The following TRIO variants were observed in gnomAD, a reference collection of about 807,000 sequenced individuals.
TRIO encodes the protein trio Rho guanine nucleotide exchange factor.
A neutral mutation model predicts 351.9 loss-of-function variants in TRIO; 58 were observed. The observed-to-expected ratio is 0.16, with a 90% CI of 0.13 to 0.21. The LOEUF (loss-of-function observed/expected upper bound fraction) is 0.21, where lower values mean the gene tolerates loss of function less well. Among genes scored for constraint, TRIO ranks in the 10% least tolerant of loss-of-function variants. The pLI, the probability that TRIO is intolerant of heterozygous loss-of-function variation, is 1.00. For missense variants in TRIO, 3,201 were observed against 4,027.8 expected (o/e 0.79, Z 5.56); for synonymous variants, 1,758 against 1,595.7 (o/e 1.10, Z -2.42).
At position 14,305,925 on chromosome 5, in the gene TRIO, C is replaced by T. The variant is rs147395003; in HGVS notation, c.1500+1333C>T. Among the ~76,000 whole-genome samples the T allele has an allele frequency of 4.8e-3, 738 of 152,308 alleles. 8 individuals carry two copies. Among genetic ancestry groups the T allele is most frequent in the African/African-American group, 0.017 (715 of 41,558 alleles). The stretch of plus-strand genomic sequence containing the variant: ...AATACTTAGCATTGTGGTACAGTTG[C>T]CTACAGTATTCAGTATAGTAACATG... On this transcript the variant is annotated intron_variant, in intron 8 of 56. Coordinates refer to ENST00000344204, the MANE Select transcript of TRIO (RefSeq NM_007118.4).
intron 13 of TRIO, among the ~76,000 whole-genome samples, chr5:14,360,616 C>T (rs1302439022): frequency 2.0e-5 from 3 of 152,232 alleles, no homozygotes; most frequent in Non-Finnish European, 2.9e-5. Flanking sequence ...TGTGCGTAGC[C>T]TGCCCTCAGT....
chr5:14,202,456 T>C (rs187435571), intron 1 of TRIO, among the ~76,000 whole-genome samples: 1 of 151,874 alleles, frequency 6.6e-6, no homozygotes, highest in East Asian at 1.9e-4. Flanking sequence ...CAAGTTGAAG[T>C]GATTTTGAAT....
chr5:14,463,131 C>T (rs958433745), intron 36 of TRIO, among the ~76,000 whole-genome samples: 2 of 152,190 alleles, frequency 1.3e-5, no homozygotes, highest in Non-Finnish European at 2.9e-5. Context: ...AGTAGGCCAG[C>T]GGGTGCAGTT....
chr5:14,222,448 C>T (rs1199675793), intron 1 of TRIO, among the ~76,000 whole-genome samples: 1 of 152,156 alleles, frequency 6.6e-6, no homozygotes, highest in African/African-American at 2.4e-5. Context: ...CCTTTCATCG[C>T]AACCTCATTT....
intron 1 of TRIO, among the ~76,000 whole-genome samples, chr5:14,266,680 A>G (rs1174656210): frequency 6.6e-6 from 1 of 152,194 alleles, no homozygotes; most frequent in Non-Finnish European, 1.5e-5. Flanking sequence ...TGTTTTAGGG[A>G]AAGGCAGTTT....
intron 4 of TRIO, among the ~76,000 whole-genome samples, chr5:14,289,497 A>G (rs1581537790): frequency 1.3e-5 from 2 of 152,142 alleles, no homozygotes; most frequent in African/African-American, 4.8e-5. Context: ...AGCTTACAGC[A>G]TGTAATCATC....
In TRIO at chr5:14,457,841, T is replaced by C. The variant is rs138793231; in HGVS notation, c.5204-3178T>C. 2.3e-3 allele frequency among the ~76,000 whole-genome samples: 352 copies of C among 152,212 alleles called. 2 individuals are homozygous for C. The highest frequency in any genetic ancestry group is 8.3e-3 in the African/African-American group (346 of 41,530). Reference sequence around the variant, plus strand: ...AGTCTGGGTGGACAGAGGGACCAGGTCAGAATACTTGGTAGGTGTCACTTA... The same window carrying C: ...AGTCTGGGTGGACAGAGGGACCAGGCCAGAATACTTGGTAGGTGTCACTTA... On this transcript the variant is annotated intron_variant, in intron 34 of 56. Transcript: ENST00000344204.
chr5:14,479,028 A>C (rs1348305574), intron 41 of TRIO, among the ~76,000 whole-genome samples: 1 of 152,116 alleles, frequency 6.6e-6, no homozygotes, highest in Non-Finnish European at 1.5e-5. Flanking sequence ...TGGTACTGTA[A>C]AGTGAAGGGT....
chr5:14,377,498 C>T (rs1561413009), intron 19 of TRIO, among the ~76,000 whole-genome samples: 2 of 152,154 alleles, frequency 1.3e-5, no homozygotes, highest in African/African-American at 4.8e-5. Flanking sequence ...CACCCATCCG[C>T]CTCAGCCTCC....
intron 9 of TRIO, among the ~76,000 whole-genome samples, chr5:14,329,801 G>A (rs1478906007): frequency 1.3e-5 from 2 of 152,224 alleles, no homozygotes; most frequent in Non-Finnish European, 2.9e-5. Flanking sequence ...GGCATTTGAT[G>A]TAGTGTAAAT....
rs761668604 is a variant in TRIO, at chr5:14,504,616, C to T, written c.8612+23C>T. The T allele has an allele frequency of 3.1e-6, 5 of 1,611,884 alleles. No individual in the cohort carries two copies. In the East Asian group the frequency reaches 1.1e-4, roughly 36 times the overall value. On this transcript the variant is annotated intron_variant, in intron 55 of 56. Coordinates refer to ENST00000344204, the MANE Select transcript of TRIO (RefSeq NM_007118.4). ...AATGTGCGTACACACCTGGCCTTCC[C>T]TCTGCCCAGCCCTCTGCCTCCACCT...
At chr5:14,304,726 GT>G in intron 8 of TRIO, 134 bp downstream of exon 8, 1 of 1,065,650 alleles carries the variant, frequency 9.4e-7, no homozygotes, top group Non-Finnish European at 1.3e-6. Flanking sequence ...CAGTTTAATT[GT>G]TTAGCATTTG....
intron 38 of TRIO, 114 bp from the exon 39 acceptor site, chr5:14,472,478 A>G: frequency 9.0e-7 from 1 of 1,109,058 alleles, no homozygotes; most frequent in South Asian, 1.5e-5. Context: ...AAATGTACAA[A>G]TTTGATACAT....
chr5:14,504,868 C>CT (rs1757552410), intron 55 of TRIO, among the ~76,000 whole-genome samples: 1 of 151,858 alleles, frequency 6.6e-6, no homozygotes, highest in South Asian at 2.1e-4. Context: ...GCACCCCCCC[C>CT]ACCCCTTTTC....
At chr5:14,172,974 A>G (rs2063171394) in intron 1 of TRIO, among the ~76,000 whole-genome samples, 2 of 152,118 alleles carry the variant, frequency 1.3e-5, no homozygotes, top group Admixed American at 1.3e-4. Context: ...GGGTATAGGG[A>G]GGAATGGGGT....
chr5:14,179,810 G>A (rs976761264), intron 1 of TRIO, among the ~76,000 whole-genome samples: 3 of 152,068 alleles, frequency 2.0e-5, no homozygotes, highest in Non-Finnish European at 4.4e-5. Flanking sequence ...ATGATTAACT[G>A]TCTGGGCATG....
Position 14,487,981 on chromosome 5 carries a change from CG to C in TRIO, c.7357del (p.Ala2453ProfsTer5), listed in dbSNP as rs1372405222. 3.2e-6 allele frequency: 5 copies of C among 1,556,366 alleles called. No individual in the cohort carries two copies. Among genetic ancestry groups the C allele is most frequent in the Non-Finnish European group, 3.5e-6 (4 of 1,151,226 alleles). Reference sequence around the variant, plus strand: ...CCCTGCCGCTTGGGAAGCCCCGGGCCGGGGCCGCTTCGCCGCTGAACTCGCC... The same window carrying C: ...CCCTGCCGCTTGGGAAGCCCCGGGCCGGGCCGCTTCGCCGCTGAACTCGCC... ...GTLPLGKPRAGAASPLNSPLS... is the reference protein window; with the variant it reads ...GTLPLGKPRAXAASPLNSPLS... On this transcript the variant is annotated frameshift_variant, in exon 48 of 57. Transcript: ENST00000344204. LOFTEE classifies it high-confidence loss of function.
chr5:14,401,289 G>A (rs959189558), intron 31 of TRIO, among the ~76,000 whole-genome samples: 1 of 152,176 alleles, frequency 6.6e-6, no homozygotes, highest in Non-Finnish European at 1.5e-5. Context: ...TCCTGAAAGG[G>A]CAAATGAAGC....
chr5:14,365,778 C>A (rs1744542256), intron 15 of TRIO, among the ~76,000 whole-genome samples: 1 of 152,158 alleles, frequency 6.6e-6, no homozygotes, highest in South Asian at 2.1e-4. Context: ...ATTTAGTGGT[C>A]CCATGATACA....
Sources: gnomAD v4.1 joint callset for allele counts (sites outside exome capture counted in the v4.1 genomes callset) on GRCh38, gnomAD v4.1.1 for gene constraint, MANE v1.5 for transcripts, NCBI Gene and HGNC (gene_info 2026-07-23, HGNC 2026-07-21) for gene names.